Variants in YWHAQ observed in about 807,000 individuals in gnomAD.
YWHAQ encodes the protein 14-3-3 protein theta.
Under a neutral mutation model 28.3 loss-of-function variants are expected in YWHAQ, and 6 were observed. The ratio of observed to expected loss-of-function variants is 0.21; its 90% CI spans 0.12 to 0.42. The LOEUF (loss-of-function observed/expected upper bound fraction) is 0.42, where lower values mean the gene tolerates loss of function less well. Among genes scored for constraint, YWHAQ ranks in the 10% least tolerant of loss-of-function variants. The pLI is 1.00. For synonymous variants in YWHAQ, 143 were observed against 119.1 expected (o/e 1.20, Z -1.31); for missense variants, 201 against 305.6 (o/e 0.66, Z 2.55).
At chr2:9,611,623 T>A (rs1024284925) in intron 2 of YWHAQ, among the ~76,000 whole-genome samples, 18 of 152,210 alleles carry the variant, frequency 1.2e-4, no homozygotes, top group African/African-American at 3.6e-4. Context: ...TGGCTTAGTA[T>A]CCTTACATAT....
chr2:9,606,888 CT>C lies in YWHAQ; in HGVS notation c.295-15374del, dbSNP rs869191589. Among the ~76,000 whole-genome samples, 782 of 143,646 alleles carry C rather than the reference CT, an allele frequency of 5.4e-3. 2 individuals carry two copies. Among genetic ancestry groups the C allele is most frequent in the Non-Finnish European group, 7.7e-3 (504 of 65,256 alleles). 94.2% of individuals were successfully genotyped at this position (143,646 alleles called of 152,430 possible). On this transcript the variant is annotated intron_variant, in intron 2 of 5. Coordinates refer to ENST00000238081, the MANE Select transcript of YWHAQ (RefSeq NM_006826.4). Reference sequence around the variant, plus strand: ...CAACACAACTGCATTTAATATTTTTCTTTTTTTTTTTTTTGAGACAGAGTCT... The same window carrying C: ...CAACACAACTGCATTTAATATTTTTCTTTTTTTTTTTTTGAGACAGAGTCT...
chr2:9,608,939 T>A (rs1023607286), intron 2 of YWHAQ, among the ~76,000 whole-genome samples: 7 of 151,548 alleles, frequency 4.6e-5, no homozygotes, highest in African/African-American at 1.5e-4. Flanking sequence ...AGACTCCAAA[T>A]CAAACAAACA....
Position 9,630,447 on chromosome 2 carries a change from C to T in YWHAQ, c.6G>A (p.Glu2=). ...TGGCCTTCTGGATCAGCTCAGTCTTCTCCATGGCGGGCGCGGGGCCGGGGC... is the reference window on the plus strand; with the variant it reads ...TGGCCTTCTGGATCAGCTCAGTCTTTTCCATGGCGGGCGCGGGGCCGGGGC... M[E]KTELIQKAKL... The change falls in exon 2 of 6, where the codon GAG becomes GAA. Residue 2 remains glutamate, a synonymous_variant. Coordinates refer to ENST00000238081, the MANE Select transcript of YWHAQ (RefSeq NM_006826.4). This position sits in a 1 kb window ranked among gnomAD's most constrained non-coding sequence, Gnocchi z 5.6. The T allele has an allele frequency of 6.2e-7, 1 of 1,603,258 alleles. No homozygotes were observed. Among genetic ancestry groups the T allele is most frequent in the East Asian group, 2.2e-5 (1 of 44,736 alleles).
chr2:9,590,116 T>C (rs1481031773), intron 3 of YWHAQ, among the ~76,000 whole-genome samples: 2 of 152,160 alleles, frequency 1.3e-5, no homozygotes, highest in Non-Finnish European at 2.9e-5. Context: ...TCGCAGCCTA[T>C]CAGAATGTAC....
intron 2 of YWHAQ, chr2:9,620,707 T>G (rs189442793): frequency 4.6e-5 from 7 of 152,208 alleles, no homozygotes; most frequent in African/African-American, 1.4e-4. Flanking sequence ...ATATCAACTA[T>G]TCTCCTTTCT....
At chr2:9,606,888 C>CT (rs869191589) in intron 2 of YWHAQ, among the ~76,000 whole-genome samples, 1,751 of 143,736 alleles carry the variant, frequency 0.012, 14 homozygotes, top group African/African-American at 0.017. Context: ...TAATATTTTT[C>CT]TTTTTTTTTT....
chr2:9,621,630 C>T (rs1169277922), intron 2 of YWHAQ, among the ~76,000 whole-genome samples: 1 of 151,924 alleles, frequency 6.6e-6, no homozygotes, highest in African/African-American at 2.4e-5. Flanking sequence ...ATACAAAATG[C>T]ACAAATCTTG....
chr2:9,590,204 A>T (rs1666429914), intron 3 of YWHAQ, among the ~76,000 whole-genome samples: 2 of 152,328 alleles, frequency 1.3e-5, no homozygotes, highest in South Asian at 4.1e-4. Flanking sequence ...GCTATGTCTC[A>T]ATCTCCCAAA....
At chr2:9,614,950 T>A (rs1408356517) in intron 2 of YWHAQ, among the ~76,000 whole-genome samples, 1 of 152,150 alleles carries the variant, frequency 6.6e-6, no homozygotes, top group African/African-American at 2.4e-5. Context: ...CATTTACAAC[T>A]AAACTTATAT....
At chr2:9,617,730 A>G (rs1667063895) in intron 2 of YWHAQ, among the ~76,000 whole-genome samples, 1 of 152,176 alleles carries the variant, frequency 6.6e-6, no homozygotes, top group East Asian at 1.9e-4. Context: ...CTGGCCCAGG[A>G]GTTTGAGACC....
At chr2:9,599,202 G>A (rs1666638661) in intron 2 of YWHAQ, among the ~76,000 whole-genome samples, 1 of 152,216 alleles carries the variant, frequency 6.6e-6, no homozygotes, top group Non-Finnish European at 1.5e-5. Context: ...TAAGGAAGCT[G>A]CATAAGAAAA....
chr2:9,628,099 C>T (rs192982580), intron 2 of YWHAQ, among the ~76,000 whole-genome samples: 1 of 152,338 alleles, frequency 6.6e-6, no homozygotes, highest in East Asian at 1.9e-4. Flanking sequence ...TTGCTCAGAG[C>T]ACAGTGCCTG....
intron 2 of YWHAQ, among the ~76,000 whole-genome samples, chr2:9,623,776 A>ATAAATAAAT (rs1344524376): frequency 6.6e-6 from 1 of 151,904 alleles, no homozygotes; most frequent in African/African-American, 2.4e-5. Context: ...CTGTCTCAAC[A>ATAAATAAAT]AAATAAATAA....
chr2:9,611,453 C>T (rs1666945323), intron 2 of YWHAQ, among the ~76,000 whole-genome samples: 1 of 152,130 alleles, frequency 6.6e-6, no homozygotes, highest in South Asian at 2.1e-4. Context: ...CACTGTGGAT[C>T]TAGGCTTGAA....
Position 9,587,370 on chromosome 2 carries a change from T to C in YWHAQ, c.678+44A>G, listed in dbSNP as rs779034270. 5 of 1,542,508 alleles carry C rather than the reference T, an allele frequency of 3.2e-6. No individual in the cohort carries two copies. In the East Asian group the frequency reaches 9.1e-5, roughly 28 times the overall value. ...AGTCCAAAATAAAATATAAATACTTTTGTTTCTGAAAAGAAAATAAAATTA... is the reference window on the plus strand; with the variant it reads ...AGTCCAAAATAAAATATAAATACTTCTGTTTCTGAAAAGAAAATAAAATTA... On this transcript the variant is annotated intron_variant, in intron 5 of 5. Transcript: ENST00000238081.
At chr2:9,598,918 G>T (rs992713094) in intron 2 of YWHAQ, among the ~76,000 whole-genome samples, 1 of 152,178 alleles carries the variant, frequency 6.6e-6, no homozygotes, top group Non-Finnish European at 1.5e-5. Context: ...ACTTAGTGAG[G>T]AAGGCATGTC....
intron 2 of YWHAQ, among the ~76,000 whole-genome samples, chr2:9,607,649 GTTTA>G (rs1350930845): frequency 6.6e-6 from 1 of 150,564 alleles, no homozygotes; most frequent in East Asian, 1.9e-4. Context: ...CTGAATTTGT[GTTTA>G]TTGTCTACCT....
intron 2 of YWHAQ, among the ~76,000 whole-genome samples, chr2:9,597,958 T>TA (rs1666609146): frequency 6.9e-6 from 1 of 145,940 alleles, no homozygotes; most frequent in Non-Finnish European, 1.5e-5. Context: ...TAACTGGGAC[T>TA]ACAGGCATGC....
intron 2 of YWHAQ, among the ~76,000 whole-genome samples, chr2:9,616,443 C>CA (rs748362781): frequency 0.06 from 5,410 of 89,504 alleles, 228 homozygotes; most frequent in African/African-American, 0.16. Context: ...CATAAGCAAC[C>CA]AAAAAAAAAA....
Sources: gnomAD v4.1 joint callset for allele counts (sites outside exome capture counted in the v4.1 genomes callset) on GRCh38, gnomAD v4.1.1 for gene constraint, Gnocchi (gnomAD v3.1) non-coding constraint, MANE v1.5 for transcripts, NCBI Gene and HGNC (gene_info 2026-07-23, HGNC 2026-07-21) for gene names.